FNDC3B: variants seen among roughly 807,000 people sequenced by gnomAD.
FNDC3B encodes fibronectin type III domain-containing protein 3B.
FNDC3B carries 12 observed loss-of-function variants against 151.5 expected under a neutral mutation model. That is an observed-to-expected ratio of 0.08 (90% CI 0.05 to 0.13). The LOEUF is 0.13. Among genes scored for constraint, FNDC3B ranks in the 10% least tolerant of loss-of-function variants. The probability of loss-of-function intolerance (pLI) is 1.00; values close to 1 mark genes in which losing one functional copy is unlikely to be tolerated. For synonymous variants in FNDC3B, 528 were observed against 549.0 expected, an observed-to-expected ratio of 0.96 and a Z score of 0.54; for missense variants, 1,214 against 1,505.3, an observed-to-expected ratio of 0.81 and a Z score of 3.20.
Position 172,362,713 on chromosome 3 carries a change from C to T in FNDC3B, c.2876C>T (p.Pro959Leu). The T allele has an allele frequency of 6.2e-7, 1 of 1,614,000 alleles. No individual in the cohort carries two copies. The highest frequency in any genetic ancestry group is 2.2e-5 in the East Asian group (1 of 44,874). ...FIKAKTRPLP[P>L]LPPRLECAAA... is the part of the protein sequence containing the mutation. ...AAAGCAAAAACTCGGCCATTACCAC[C>T]CTTGCCTCCTAGGCTAGAATGTGCT... Residue 959 changes from proline to leucine, a missense_variant, in exon 23 of 26, where the codon CCC (proline) becomes CTC (leucine). Coordinates refer to ENST00000415807, the MANE Select transcript of FNDC3B (RefSeq NM_022763.4).
chr3:172,096,578 C>T (rs1046038055), intron 1 of FNDC3B, among the ~76,000 whole-genome samples: 5 of 152,052 alleles, frequency 3.3e-5, no homozygotes, highest in African/African-American at 1.2e-4. Context: ...GATTTAGGAA[C>T]CAGCTTGCTT....
intron 11 of FNDC3B, among the ~76,000 whole-genome samples, chr3:172,319,245 C>T (rs1731964968): frequency 6.6e-6 from 1 of 152,202 alleles, no homozygotes; most frequent in African/African-American, 2.4e-5. Context: ...GGACCAACCC[C>T]ATCCATCCCT....
intron 1 of FNDC3B, among the ~76,000 whole-genome samples, chr3:172,090,997 T>C (rs878915414): frequency 6.6e-6 from 1 of 152,134 alleles, no homozygotes; most frequent in East Asian, 1.9e-4. Flanking sequence ...AAAATTCAGA[T>C]CTGAAATCTG....
chr3:172,063,793 TC>T (rs1170866326), intron 1 of FNDC3B, among the ~76,000 whole-genome samples: 2 of 152,238 alleles, frequency 1.3e-5, no homozygotes, highest in African/African-American at 4.8e-5. Context: ...TGTGAATTTA[TC>T]CTTAGGGACA....
intron 4 of FNDC3B, among the ~76,000 whole-genome samples, chr3:172,246,128 C>T (rs1727761236): frequency 1.3e-5 from 2 of 151,554 alleles, no homozygotes; most frequent in Non-Finnish European, 2.9e-5. Flanking sequence ...TAATTAACCT[C>T]CTGAGGTATA....
chr3:172,285,286 C>A (rs565008468), intron 6 of FNDC3B, among the ~76,000 whole-genome samples: 3 of 152,288 alleles, frequency 2.0e-5, no homozygotes, highest in African/African-American at 7.2e-5. Flanking sequence ...CCAGCTCTAG[C>A]CTTTCCTTTG....
Position 172,390,841 on chromosome 3 carries a change from G to A in FNDC3B, c.3304-6323G>A, listed in dbSNP as rs528426211. Reference sequence around the variant, plus strand: ...CTTGGCAGAAACTGAGCAGGGAACTGCTTTCAATAACATCATAAAAGATAG... The same window carrying A: ...CTTGGCAGAAACTGAGCAGGGAACTACTTTCAATAACATCATAAAAGATAG... On this transcript the variant is annotated intron_variant, in intron 25 of 25. Transcript: ENST00000415807. Among the ~76,000 whole-genome samples, 4 of 152,230 alleles carry A rather than the reference G, an allele frequency of 2.6e-5. No homozygotes were observed. The East Asian group carries it at 7.7e-4, about 29-fold the overall frequency.
intron 11 of FNDC3B, among the ~76,000 whole-genome samples, chr3:172,317,557 A>AC (rs1425573258): frequency 1.3e-5 from 2 of 152,160 alleles, no homozygotes; most frequent in African/African-American, 2.4e-5. Context: ...CTCATGGTAT[A>AC]CCCCAAGCAG....
intron 6 of FNDC3B, among the ~76,000 whole-genome samples, chr3:172,264,999 A>T (rs1728850509): frequency 6.6e-6 from 1 of 152,192 alleles, no homozygotes; most frequent in African/African-American, 2.4e-5. Context: ...CGATAAGAGG[A>T]TAAGGGAGAA....
At chr3:172,046,045 T>A (rs1716353019) in intron 1 of FNDC3B, among the ~76,000 whole-genome samples, 1 of 152,018 alleles carries the variant, frequency 6.6e-6, no homozygotes, top group African/African-American at 2.4e-5. Flanking sequence ...CAAGGACCAG[T>A]TCTTGGAAAC....
intron 3 of FNDC3B, among the ~76,000 whole-genome samples, chr3:172,147,132 C>G (rs967026254): frequency 1.3e-5 from 2 of 151,934 alleles, no homozygotes; most frequent in African/African-American, 4.8e-5. Context: ...ATAGCAAAAC[C>G]CTGTCTCTAC....
intron 3 of FNDC3B, among the ~76,000 whole-genome samples, chr3:172,151,990 G>GATAT (rs1199577451): frequency 6.6e-6 from 1 of 152,174 alleles, no homozygotes; most frequent in Non-Finnish European, 1.5e-5. Flanking sequence ...AGGAGCTGGT[G>GATAT]ATATCCACTT....
At chr3:172,379,516 G>A (rs886145287) in intron 24 of FNDC3B, among the ~76,000 whole-genome samples, 1 of 152,230 alleles carries the variant, frequency 6.6e-6, no homozygotes, top group African/African-American at 2.4e-5. Context: ...TTAGTTTAGG[G>A]TAAATACCTT....
chr3:172,314,963 A>T (rs972239190), intron 11 of FNDC3B, among the ~76,000 whole-genome samples: 1 of 152,252 alleles, frequency 6.6e-6, no homozygotes, highest in African/African-American at 2.4e-5. Flanking sequence ...ACTCATTAAT[A>T]GTTCTATACT....
intron 3 of FNDC3B, among the ~76,000 whole-genome samples, chr3:172,207,500 A>G (rs576344359): frequency 6.6e-6 from 1 of 152,316 alleles, no homozygotes; most frequent in Admixed American, 6.5e-5. Context: ...AGACTTCTCC[A>G]GATATATTAA....
intron 15 of FNDC3B, 100 bp from the exon 16 acceptor site, chr3:172,337,229 TC>T (rs759441870): frequency 1.0e-4 from 75 of 722,030 alleles, no homozygotes; most frequent in Non-Finnish European, 1.7e-4. Context: ...TGTCTAGAAT[TC>T]AGATAGTATA....
intron 18 of FNDC3B, among the ~76,000 whole-genome samples, chr3:172,343,365 C>T (rs797016958): frequency 5.9e-5 from 9 of 152,262 alleles, no homozygotes; most frequent in African/African-American, 1.4e-4. Context: ...GTTTATCCCC[C>T]GCACTTCAGG....
At chr3:172,312,554 C>T (rs1047232559) in intron 11 of FNDC3B, among the ~76,000 whole-genome samples, 3 of 151,900 alleles carry the variant, frequency 2.0e-5, no homozygotes, top group African/African-American at 7.3e-5. Flanking sequence ...TTGCACTCAC[C>T]TTGTTTTTTC....
At chr3:172,272,338 G>A (rs1479962412) in intron 6 of FNDC3B, among the ~76,000 whole-genome samples, 2 of 152,046 alleles carry the variant, frequency 1.3e-5, no homozygotes, top group East Asian at 3.9e-4. Context: ...TAGGCTATAA[G>A]GACCTCCCGT....
Sources: allele counts gnomAD v4.1 joint callset (sites outside exome capture counted in the v4.1 genomes callset), GRCh38; gene constraint gnomAD v4.1.1; transcripts MANE v1.5; gene names NCBI Gene and HGNC (gene_info 2026-07-23, HGNC 2026-07-21).